Variants in GPC5 observed in about 807,000 individuals in gnomAD.
The protein encoded by GPC5 is glypican 5.
Under a neutral mutation model 53.9 loss-of-function variants are expected in GPC5, and 47 were observed. The observed-to-expected ratio is 0.87, with a 90% CI of 0.69 to 1.11. The LOEUF is 1.11. GPC5 is among the 50% of genes most tolerant of loss of function. The pLI is 0.00. For synonymous variants in GPC5, 286 were observed against 263.3 expected (o/e 1.09, Z -0.84); for missense variants, 748 against 713.1 (o/e 1.05, Z -0.56).
chr13:91,498,834 G>A (rs1437621024), intron 2 of GPC5, among the ~76,000 whole-genome samples: 1 of 152,026 alleles, frequency 6.6e-6, no homozygotes, highest in African/African-American at 2.4e-5. Flanking sequence ...AGCTGGGCGT[G>A]GTGGTGCCTG....
intron 7 of GPC5, among the ~76,000 whole-genome samples, chr13:92,667,760 A>T (rs948566932): frequency 2.0e-5 from 3 of 152,206 alleles, no homozygotes; most frequent in African/African-American, 7.2e-5. Flanking sequence ...GACATATTAC[A>T]TTTTTTAAAA....
intron 7 of GPC5, among the ~76,000 whole-genome samples, chr13:92,459,675 G>C (rs1367770073): frequency 1.3e-5 from 2 of 151,978 alleles, no homozygotes; most frequent in African/African-American, 4.8e-5. Context: ...AAATTTTTTT[G>C]CCTTATTTAA....
At position 92,136,553 on chromosome 13, in the gene GPC5, G is replaced by A. The variant is rs183356210; in HGVS notation, c.1402-8277G>A. 2.6e-3 allele frequency among the ~76,000 whole-genome samples: 393 copies of A among 152,246 alleles called. 3 individuals carry two copies. The highest frequency in any genetic ancestry group is 8.1e-3 in the African/African-American group (336 of 41,544). On this transcript the variant is annotated intron_variant, in intron 6 of 7. Coordinates refer to ENST00000377067, the MANE Select transcript of GPC5 (RefSeq NM_004466.6). ...TTTTACCATGTTTACATTTGAATGGGTGACTAGAGGTACATCTATGATGAC... is the reference window on the plus strand; with the variant it reads ...TTTTACCATGTTTACATTTGAATGGATGACTAGAGGTACATCTATGATGAC...
At chr13:92,274,823 G>C (rs2042864213) in intron 7 of GPC5, among the ~76,000 whole-genome samples, 1 of 152,138 alleles carries the variant, frequency 6.6e-6, no homozygotes, top group Non-Finnish European at 1.5e-5. Context: ...CATGCATTCT[G>C]TTGATTAGAA....
At chr13:92,047,294 C>G (rs1430314297) in intron 6 of GPC5, among the ~76,000 whole-genome samples, 1 of 151,992 alleles carries the variant, frequency 6.6e-6, no homozygotes, top group Non-Finnish European at 1.5e-5. Flanking sequence ...GATCTGAATT[C>G]TCAGTTGGAT....
At chr13:91,518,988 A>G (rs1885657475) in intron 2 of GPC5, among the ~76,000 whole-genome samples, 1 of 152,218 alleles carries the variant, frequency 6.6e-6, no homozygotes, top group Non-Finnish European at 1.5e-5. Flanking sequence ...CAACATTTTA[A>G]TGGCATTTTA....
At chr13:92,786,881 T>A (rs1162760601) in intron 7 of GPC5, among the ~76,000 whole-genome samples, 1 of 152,096 alleles carries the variant, frequency 6.6e-6, no homozygotes, top group African/African-American at 2.4e-5. Context: ...GGGAGCCAGA[T>A]ACACCGCATT....
intron 7 of GPC5, among the ~76,000 whole-genome samples, chr13:92,660,707 A>T (rs2139184888): frequency 6.6e-6 from 1 of 151,966 alleles, no homozygotes; most frequent in African/African-American, 2.4e-5. Context: ...TAGAATTTCT[A>T]TTACTTTCTT....
intron 5 of GPC5, among the ~76,000 whole-genome samples, chr13:91,809,100 A>C (rs1314997921): frequency 6.6e-6 from 1 of 152,170 alleles, no homozygotes; most frequent in Non-Finnish European, 1.5e-5. Context: ...TATCATCTTT[A>C]CTATATTTCC....
At chr13:92,539,381 A>G (rs958128449) in intron 7 of GPC5, among the ~76,000 whole-genome samples, 1 of 152,046 alleles carries the variant, frequency 6.6e-6, no homozygotes, top group African/African-American at 2.4e-5. Context: ...TTGAGATGAT[A>G]TCTGATGGTG....
chr13:92,084,354 T>C (rs2041320050), intron 6 of GPC5, among the ~76,000 whole-genome samples: 1 of 152,236 alleles, frequency 6.6e-6, no homozygotes, highest in Non-Finnish European at 1.5e-5. Context: ...CACATCTTTA[T>C]AGGCATTATG....
chr13:92,444,241 A>G (rs1225643531), intron 7 of GPC5, among the ~76,000 whole-genome samples: 2 of 152,216 alleles, frequency 1.3e-5, no homozygotes, highest in Non-Finnish European at 2.9e-5. Flanking sequence ...TATTAGTTCA[A>G]TAGATGTATA....
At chr13:92,383,041 TG>T (rs1378202402) in intron 7 of GPC5, among the ~76,000 whole-genome samples, 21 of 149,416 alleles carry the variant, frequency 1.4e-4, no homozygotes, top group Non-Finnish European at 3.0e-5. Flanking sequence ...TCGCATTATA[TG>T]GAGAATACTT....
chr13:91,688,352 A>G (rs1248549819), intron 2 of GPC5, among the ~76,000 whole-genome samples: 1 of 152,182 alleles, frequency 6.6e-6, no homozygotes, highest in Non-Finnish European at 1.5e-5. Flanking sequence ...TCAATTATGT[A>G]TAGACCAATA....
In GPC5 at chr13:91,521,143, T is replaced by C. The variant is rs181082517; in HGVS notation, c.325+72221T>C. 4.6e-3 allele frequency among the ~76,000 whole-genome samples: 703 copies of C among 152,350 alleles called. 18 individuals carry two copies. The highest frequency in any genetic ancestry group is 0.04 in the Admixed American group (609 of 15,286). The stretch of plus-strand genomic sequence containing the variant: ...ACTTGTTTACATTTCACATGTACCA[T>C]GCTGTTTCTCTTTTATTTTTCTTCA... On this transcript the variant is annotated intron_variant, in intron 2 of 7. Transcript: ENST00000377067.
intron 7 of GPC5, among the ~76,000 whole-genome samples, chr13:92,190,031 T>TA (rs1214272909): frequency 6.6e-6 from 1 of 152,098 alleles, no homozygotes; most frequent in Non-Finnish European, 1.5e-5. Flanking sequence ...AACAACTGCT[T>TA]AAAAAACTAC....
chr13:92,790,947 G>T (rs1876438982), intron 7 of GPC5, among the ~76,000 whole-genome samples: 1 of 152,026 alleles, frequency 6.6e-6, no homozygotes, highest in Non-Finnish European at 1.5e-5. Flanking sequence ...ACTTACCTAG[G>T]TTCAATGGAA....
chr13:91,903,030 A>ATT (rs2039514761), intron 5 of GPC5, among the ~76,000 whole-genome samples: 1 of 80,656 alleles, frequency 1.2e-5, no homozygotes, highest in South Asian at 4.7e-4. Flanking sequence ...ACAGCTCAGT[A>ATT]CTTTTTTTTT....
intron 2 of GPC5, among the ~76,000 whole-genome samples, chr13:91,605,275 G>A (rs1242537334): frequency 1.7e-4 from 25 of 147,132 alleles, no homozygotes; most frequent in South Asian, 6.7e-4. Flanking sequence ...GAGATGCGGC[G>A]TTATTTCTGA....
Sources: allele counts gnomAD v4.1 joint callset (sites outside exome capture counted in the v4.1 genomes callset), GRCh38; gene constraint gnomAD v4.1.1; transcripts MANE v1.5; gene names NCBI Gene and HGNC (gene_info 2026-07-23, HGNC 2026-07-21).